The following ARHGEF3 variants were observed in gnomAD, a reference collection of about 807,000 sequenced individuals.
The protein encoded by ARHGEF3 is 59.8 kDA protein.
Under a neutral mutation model 63.2 loss-of-function variants are expected in ARHGEF3, and 28 were observed. The ratio of observed to expected loss-of-function variants is 0.44; its 90% CI spans 0.33 to 0.61. The LOEUF (loss-of-function observed/expected upper bound fraction) is 0.61. Among genes scored for constraint, ARHGEF3 ranks in the 20% least tolerant of loss-of-function variants. The probability of loss-of-function intolerance (pLI) is 0.03; values close to 1 mark genes in which losing one functional copy is unlikely to be tolerated. For synonymous variants in ARHGEF3, 266 were observed against 254.2 expected, an observed-to-expected ratio of 1.05 and a Z score of -0.44; for missense variants, 533 against 659.3, an observed-to-expected ratio of 0.81 and a Z score of 2.10.
chr3:56,770,046 G>A (rs916828047), intron 2 of ARHGEF3, among the ~76,000 whole-genome samples: 1 of 152,210 alleles, frequency 6.6e-6, no homozygotes, highest in Non-Finnish European at 1.5e-5. Flanking sequence ...CGGAGAGGAT[G>A]TGAAGTGAGC....
chr3:56,937,238 T>C lies in ARHGEF3; in HGVS notation c.129+21585A>G, dbSNP rs188257920. 5.6e-3 allele frequency among the ~76,000 whole-genome samples: 846 copies of C among 152,240 alleles called. 7 individuals are homozygous for C. The highest frequency in any genetic ancestry group is 0.013 in the Admixed American group (199 of 15,300). On this transcript the variant is annotated intron_variant, in intron 3 of 12. Transcript: ENST00000338458. ...ACAACTGAGAAAATATGAATATAGA[T>C]GGAATATTAGAATGTTGGAGAATTA...
chr3:56,973,137 C>T (rs952259071), intron 2 of ARHGEF3, among the ~76,000 whole-genome samples: 1 of 151,992 alleles, frequency 6.6e-6, no homozygotes, highest in African/African-American at 2.4e-5. Flanking sequence ...CTGCCTCAGC[C>T]TCCCGAGTAG....
chr3:56,812,021 A>G (rs1478868486), intron 4 of ARHGEF3, among the ~76,000 whole-genome samples: 1 of 152,156 alleles, frequency 6.6e-6, no homozygotes, highest in Non-Finnish European at 1.5e-5. Context: ...CAGGGACCAT[A>G]TCTATCTTGC....
Position 56,817,705 on chromosome 3 carries a change from C to A in ARHGEF3, c.193-43889G>T, listed in dbSNP as rs953987317. Among the ~76,000 whole-genome samples the A allele has an allele frequency of 2.6e-5, 4 of 152,224 alleles. No individual in the cohort carries two copies. In the South Asian group the frequency reaches 8.3e-4, roughly 32 times the overall value. On this transcript the variant is annotated intron_variant, in intron 4 of 12. Coordinates refer to the ARHGEF3 transcript ENST00000338458. Reference sequence around the variant, plus strand: ...TGTTGTATAAATGAGGGCATGGAGGCTCAGAGAAGATAAGTAACTTGCTCA... The same window carrying A: ...TGTTGTATAAATGAGGGCATGGAGGATCAGAGAAGATAAGTAACTTGCTCA...
At chr3:57,039,474 C>T (rs1382835526) in intron 1 of ARHGEF3, among the ~76,000 whole-genome samples, 1 of 152,152 alleles carries the variant, frequency 6.6e-6, no homozygotes, top group African/African-American at 2.4e-5. Flanking sequence ...CTCAGTAGCA[C>T]CATGCACAAC....
chr3:56,975,848 A>G (rs1177529877), intron 2 of ARHGEF3: 12 of 395,796 alleles, frequency 3.0e-5, no homozygotes, highest in Non-Finnish European at 5.3e-5. Context: ...AAAACAATAA[A>G]GATCAGAGAT....
intron 3 of ARHGEF3, among the ~76,000 whole-genome samples, chr3:56,942,092 C>G (rs1699215894): frequency 1.3e-5 from 2 of 152,210 alleles, no homozygotes; most frequent in Non-Finnish European, 2.9e-5. Context: ...AATGTGATTA[C>G]TTGCAAAGTA....
chr3:56,818,858 T>C (rs2038364591), intron 4 of ARHGEF3, among the ~76,000 whole-genome samples: 2 of 152,150 alleles, frequency 1.3e-5, no homozygotes. Flanking sequence ...GCTTTGTTTT[T>C]GGAGCTCAAA....
chr3:57,037,170 G>A (rs1473454865), intron 1 of ARHGEF3, among the ~76,000 whole-genome samples: 2 of 152,162 alleles, frequency 1.3e-5, no homozygotes, highest in African/African-American at 2.4e-5. Context: ...AGGCTAGGGC[G>A]AGAGTGAAAA....
chr3:56,765,449 C>T (rs1411309946), intron 2 of ARHGEF3, among the ~76,000 whole-genome samples: 1 of 152,176 alleles, frequency 6.6e-6, no homozygotes, highest in Admixed American at 6.5e-5. Flanking sequence ...CCCCCAAGCT[C>T]ATCTCCATGT....
intron 1 of ARHGEF3, chr3:57,075,579 G>A (rs898561824): frequency 8.5e-5 from 13 of 152,166 alleles, no homozygotes; most frequent in African/African-American, 2.9e-4. Context: ...GGGAGGCCAA[G>A]GCAGATGATC....
At chr3:56,891,078 G>A (rs781758635) in intron 3 of ARHGEF3, among the ~76,000 whole-genome samples, 4 of 151,502 alleles carry the variant, frequency 2.6e-5, no homozygotes, top group African/African-American at 7.3e-5. Context: ...CTAAATTCAC[G>A]TTTTAGCAGG....
chr3:56,965,442 G>C (rs969788384), intron 2 of ARHGEF3, among the ~76,000 whole-genome samples: 5 of 152,044 alleles, frequency 3.3e-5, no homozygotes, highest in Admixed American at 6.6e-5. Context: ...GCCCCAGACA[G>C]TTTAACTAAT....
chr3:56,734,364 C>A, intron 8 of ARHGEF3, among the ~76,000 whole-genome samples: 1 of 152,094 alleles, frequency 6.6e-6, no homozygotes, highest in East Asian at 1.9e-4. Context: ...TAAGTGGGAG[C>A]TAAATCTTGG....
At chr3:56,930,257 C>A (rs2042375980) in intron 3 of ARHGEF3, among the ~76,000 whole-genome samples, 1 of 152,106 alleles carries the variant, frequency 6.6e-6, no homozygotes, top group East Asian at 1.9e-4. Flanking sequence ...CCAACACAAA[C>A]CCTGCCAGGC....
intron 4 of ARHGEF3, among the ~76,000 whole-genome samples, chr3:56,861,672 G>A (rs55978301): frequency 0.35 from 53,279 of 151,778 alleles, 10,870 homozygotes; most frequent in Non-Finnish European, 0.45. Flanking sequence ...GGCTGGGGTC[G>A]GAAAGGCCTG....
intron 1 of ARHGEF3, among the ~76,000 whole-genome samples, chr3:56,776,137 G>C (rs1376061158): frequency 6.6e-6 from 1 of 152,198 alleles, no homozygotes; most frequent in Non-Finnish European, 1.5e-5. Context: ...GGATGATCCA[G>C]CTGTGTTCCA....
chr3:56,772,377 G>C (rs2036054172), intron 2 of ARHGEF3, among the ~76,000 whole-genome samples: 1 of 152,188 alleles, frequency 6.6e-6, no homozygotes, highest in Admixed American at 6.5e-5. Flanking sequence ...ACCTCAAACA[G>C]TTCTCAAGTC....
chr3:56,887,410 C>T (rs746168408), intron 3 of ARHGEF3, among the ~76,000 whole-genome samples: 8 of 152,226 alleles, frequency 5.3e-5, no homozygotes, highest in African/African-American at 1.2e-4. Flanking sequence ...CAGGAGGAGG[C>T]TGAGACTCTG....
Sources: allele counts gnomAD v4.1 joint callset (sites outside exome capture counted in the v4.1 genomes callset), GRCh38; gene constraint gnomAD v4.1.1; transcripts MANE v1.5; gene names NCBI Gene and HGNC (gene_info 2026-07-23, HGNC 2026-07-21).